The following PCDHA5 variants were observed in gnomAD, a reference collection of about 807,000 sequenced individuals.
PCDHA5 encodes protocadherin alpha 5.
In PCDHA5, 43 loss-of-function variants were observed where a neutral mutation model predicts 61.6. The observed-to-expected ratio is 0.70, with a 90% CI of 0.55 to 0.90. The LOEUF (loss-of-function observed/expected upper bound fraction) is 0.90. Ranked by LOEUF, PCDHA5 falls within the 40% of genes least tolerant of loss-of-function variation. The probability of loss-of-function intolerance (pLI) is 0.00; values close to 1 mark genes in which losing one functional copy is unlikely to be tolerated. For missense variants in PCDHA5, 1,298 were observed against 1,222.7 expected (o/e 1.06, Z -0.92); for synonymous variants, 627 against 543.9 (o/e 1.15, Z -2.13).
intron 1 of PCDHA5, among the ~76,000 whole-genome samples, chr5:140,959,621 A>G (rs1198133284): frequency 6.6e-6 from 1 of 152,152 alleles, no homozygotes; most frequent in African/African-American, 2.4e-5. Flanking sequence ...CTTGTGATAG[A>G]AAAAAAGAGA....
intron 1 of PCDHA5, chr5:140,841,355 T>C: frequency 6.2e-7 from 1 of 1,612,706 alleles, no homozygotes; most frequent in Non-Finnish European, 8.5e-7. Flanking sequence ...GCTGGGATCC[T>C]GGCGACTACT....
intron 1 of PCDHA5, chr5:140,871,052 T>C (rs981101486): frequency 6.2e-7 from 1 of 1,613,156 alleles, no homozygotes; most frequent in Non-Finnish European, 8.5e-7. Flanking sequence ...CTAGTACTGG[T>C]GAAGGATCAC....
intron 1 of PCDHA5, among the ~76,000 whole-genome samples, chr5:140,873,132 A>G (rs2054118651): frequency 6.6e-6 from 1 of 152,212 alleles, no homozygotes; most frequent in Non-Finnish European, 1.5e-5. Flanking sequence ...CAAAGAGTCT[A>G]TGCTGAAGCC....
At chr5:140,925,682 G>A (rs1554202871) in intron 1 of PCDHA5, among the ~76,000 whole-genome samples, 1 of 122,672 alleles carries the variant, frequency 8.2e-6, no homozygotes, top group Non-Finnish European at 1.8e-5. Context: ...ATAATAAAGC[G>A]AGGGTGGGTA....
At chr5:140,858,363 C>G in intron 1 of PCDHA5, 1 of 1,591,358 alleles carries the variant, frequency 6.3e-7, no homozygotes, top group Non-Finnish European at 8.6e-7. Flanking sequence ...GCCTTCAGCC[C>G]CAGCCTTCCA....
chr5:140,937,288 C>T (rs1473599964), intron 1 of PCDHA5, among the ~76,000 whole-genome samples: 1 of 152,072 alleles, frequency 6.6e-6, no homozygotes, highest in African/African-American at 2.4e-5. Context: ...TCACCCGCTT[C>T]GGCCTCCCAA....
intron 1 of PCDHA5, chr5:140,855,922 T>G: frequency 8.1e-7 from 1 of 1,227,842 alleles, no homozygotes; most frequent in South Asian, 1.5e-5. Flanking sequence ...GACTAGGAAG[T>G]AGCGTCATTC....
Position 140,823,394 on chromosome 5 carries a change from G to C in PCDHA5, c.1619G>C (p.Gly540Ala). The change falls in exon 1 of 4, where the codon GGC (glycine) becomes GCC (alanine). Residue 540 changes from glycine to alanine, a missense_variant. Physicochemically the swap from Gly to Ala is moderately conservative, Grantham distance 60. Transcript: ENST00000529859. Reference sequence around the variant, plus strand: ...TTCCAGGTGAGCGCGCGCGACGCGGGCGTGCCGCCTCTGGGCAGCAACGTG... The same window carrying C: ...TTCCAGGTGAGCGCGCGCGACGCGGCCGTGCCGCCTCTGGGCAGCAACGTG... ...LQFQVSARDA[G>A]VPPLGSNVTL... 1 of 1,612,934 alleles carries C rather than the reference G, an allele frequency of 6.2e-7. No individual in the cohort carries two copies. Among genetic ancestry groups the C allele is most frequent in the Non-Finnish European group, 8.5e-7 (1 of 1,179,828 alleles).
rs2150131265 is a variant in PCDHA5 at position 140,824,000 on chromosome 5, G to A, written c.2225G>A (p.Ser742Asn). Residue 742 changes from serine to asparagine, a missense_variant, in exon 1 of 4, where the codon AGC becomes AAC. Transcript: ENST00000529859. ...GGCAAGCCCACTCTGTTGTGCTCCAGCGCGGTGGGGAGCTGGTCGTACTCG... is the reference window on the plus strand; with the variant it reads ...GGCAAGCCCACTCTGTTGTGCTCCAACGCGGTGGGGAGCTGGTCGTACTCG... ...TRGKPTLLCSSAVGSWSYSQQ... is the reference protein window; with the variant it reads ...TRGKPTLLCSNAVGSWSYSQQ... The A allele has an allele frequency of 1.2e-6, 2 of 1,614,148 alleles. No individual in the cohort carries two copies. The highest frequency in any genetic ancestry group is 1.1e-5 in the South Asian group (1 of 91,076).
intron 1 of PCDHA5, chr5:140,857,767 C>T: frequency 6.3e-7 from 1 of 1,597,458 alleles, no homozygotes; most frequent in Non-Finnish European, 8.6e-7. Context: ...GCAGCGCGGG[C>T]GGTGCAGTCA....
intron 1 of PCDHA5, chr5:140,834,420 C>T: frequency 6.2e-7 from 1 of 1,612,394 alleles, no homozygotes; most frequent in East Asian, 2.2e-5. Context: ...AGGGGGCCGA[C>T]ATCTACTGCT....
rs2042053771 is a variant in PCDHA5, at chr5:140,851,409, G to T, written c.2352+27282G>T. The T allele has an allele frequency of 1.7e-5, 16 of 964,844 alleles. 3 individuals are homozygous for T. Among genetic ancestry groups the T allele is most frequent in the Non-Finnish European group, 1.6e-5 (13 of 797,918 alleles). The allele number at this position is 964,844 out of a possible 1,614,324, so 59.8% of individuals were successfully genotyped here. On this transcript the variant is annotated intron_variant, in intron 1 of 3. Transcript: ENST00000529859. ...CAGTATCTATTATTTTAATAAGAAA[G>T]AAACTTCCCCTAAACTTTAGAAAAC...
At position 140,853,566 on chromosome 5, in the gene PCDHA5, G is replaced by A; in HGVS notation, c.2352+29439G>A. 2.0e-6 allele frequency: 2 copies of A among 981,338 alleles called. 1 individual carries two copies. The highest frequency in any genetic ancestry group is 2.5e-6 in the Non-Finnish European group (2 of 813,850). 60.8% of individuals were successfully genotyped at this position (981,338 alleles called of 1,614,324 possible). A position where few individuals can be genotyped will look rare whatever the true frequency, so the allele number is the denominator to read the frequency against. ...GTAATTACTATATAGGAAAAACTAA[G>A]TTGTCACCCAATATCTTAGACACTT... On this transcript the variant is annotated intron_variant, in intron 1 of 3. Transcript: ENST00000529859.
In PCDHA5 at chr5:140,836,669, G is replaced by A. The variant is rs142732506; in HGVS notation, c.2352+12542G>A. ...GGCGGCAGAGGGTGTGCTCTGGGGA[G>A]GGCCCACCCAAGACAGACCTCATGG... On this transcript the variant is annotated intron_variant, in intron 1 of 3. Coordinates refer to ENST00000529859, the MANE Select transcript of PCDHA5 (RefSeq NM_018908.3). The A allele has an allele frequency of 2.5e-6, 4 of 1,613,470 alleles. No homozygotes were observed. In the East Asian group the frequency reaches 8.9e-5, roughly 36 times the overall value.
chr5:140,902,822 C>T (rs1239042138), intron 1 of PCDHA5, among the ~76,000 whole-genome samples: 4 of 151,576 alleles, frequency 2.6e-5, no homozygotes, highest in Admixed American at 2.0e-4. Context: ...ATTTGGTTTT[C>T]GATTTCTGAG....
chr5:140,917,435 T>A (rs1179418321), intron 1 of PCDHA5, among the ~76,000 whole-genome samples: 2 of 152,200 alleles, frequency 1.3e-5, no homozygotes, highest in South Asian at 2.1e-4. Flanking sequence ...CAATTTTTGT[T>A]TTTGCTGCAA....
chr5:140,915,918 T>A (rs1295505621), intron 1 of PCDHA5, among the ~76,000 whole-genome samples: 1 of 152,188 alleles, frequency 6.6e-6, no homozygotes, highest in Admixed American at 6.5e-5. Flanking sequence ...CCAGAGATGC[T>A]ACTTGGGAGT....
chr5:141,009,905 G>A lies in PCDHA5; in HGVS notation c.2779G>A (p.Gly927Arg), dbSNP rs781954349. The change falls in exon 4 of 4, where the codon GGG becomes AGG. Residue 927 changes from glycine (G) to arginine (R), a missense_variant. Physicochemically the swap from Gly to Arg is moderately radical, Grantham distance 125. Coordinates refer to ENST00000529859, the MANE Select transcript of PCDHA5 (RefSeq NM_018908.3). ...GNKTQEKKEK[G>R]NSTTDNSDQ Reference sequence around the variant, plus strand: ...CAAGACCCAGGAGAAAAAAGAGAAAGGGAACAGCACGACTGACAACAGTGA... The same window carrying A: ...CAAGACCCAGGAGAAAAAAGAGAAAAGGAACAGCACGACTGACAACAGTGA... 7.4e-6 allele frequency: 12 copies of A among 1,613,058 alleles called. No homozygotes were observed. Among genetic ancestry groups the A allele is most frequent in the Non-Finnish European group, 1.0e-5 (12 of 1,179,832 alleles).
intron 1 of PCDHA5, among the ~76,000 whole-genome samples, chr5:140,911,118 G>A (rs11955654): frequency 0.019 from 2,929 of 152,274 alleles, 39 homozygotes; most frequent in East Asian, 0.055. Flanking sequence ...AGCCATCACT[G>A]TTGCCTCAGG....
Sources: allele counts gnomAD v4.1 joint callset (sites outside exome capture counted in the v4.1 genomes callset), GRCh38; gene constraint gnomAD v4.1.1; transcripts MANE v1.5; gene names NCBI Gene and HGNC (gene_info 2026-07-23, HGNC 2026-07-21).